PPP6R2: variants seen among roughly 807,000 people sequenced by gnomAD.
PPP6R2 encodes the protein protein phosphatase 6 regulatory subunit 2.
Under a neutral mutation model 100.2 loss-of-function variants are expected in PPP6R2, and 62 were observed. The ratio of observed to expected loss-of-function variants is 0.62; its 90% confidence interval spans 0.50 to 0.76. The LOEUF (loss-of-function observed/expected upper bound fraction) is 0.76. PPP6R2 is among the 30% of genes least tolerant of loss of function. The probability of loss-of-function intolerance (pLI) is 0.00; values close to 1 mark genes in which losing one functional copy is unlikely to be tolerated. For synonymous variants in PPP6R2, 525 were observed against 514.7 expected, an observed-to-expected ratio of 1.02 and a Z score of -0.27; for missense variants, 1,142 against 1,276.3, an observed-to-expected ratio of 0.89 and a Z score of 1.60.
intron 2 of PPP6R2, among the ~76,000 whole-genome samples, chr22:50,377,224 T>A (rs1352366314): frequency 2.6e-5 from 4 of 151,224 alleles, no homozygotes; most frequent in African/African-American, 9.7e-5. Context: ...GAGGTAGAGG[T>A]AGGGAGATCA....
chr22:50,399,791 G>GT (rs2057723111), intron 3 of PPP6R2, among the ~76,000 whole-genome samples: 1 of 152,262 alleles, frequency 6.6e-6, no homozygotes, highest in Non-Finnish European at 1.5e-5. Flanking sequence ...CACTGTGACT[G>GT]TAAGATGGCT....
At chr22:50,413,650 T>A (rs1420070250) in intron 4 of PPP6R2, among the ~76,000 whole-genome samples, 1 of 148,656 alleles carries the variant, frequency 6.7e-6, no homozygotes, top group Non-Finnish European at 1.5e-5. Flanking sequence ...CAAAGAGCCA[T>A]CCTCCTCTCC....
intron 3 of PPP6R2, among the ~76,000 whole-genome samples, chr22:50,398,589 C>T (rs552688793): frequency 1.5e-4 from 22 of 149,042 alleles, no homozygotes; most frequent in Middle Eastern, 6.9e-3. Flanking sequence ...GATCTTGGCT[C>T]ACTGCAACCT....
At chr22:50,413,981 C>A (rs1321917318) in intron 4 of PPP6R2, among the ~76,000 whole-genome samples, 2 of 152,244 alleles carry the variant, frequency 1.3e-5, no homozygotes, top group Non-Finnish European at 2.9e-5. Flanking sequence ...TGTGCCCCCC[C>A]ATGGCCTCAC....
At chr22:50,369,195 G>A (rs1569308975) in intron 1 of PPP6R2, among the ~76,000 whole-genome samples, 2 of 151,038 alleles carry the variant, frequency 1.3e-5, no homozygotes, top group South Asian at 2.1e-4. Context: ...CCGAGATCAC[G>A]CCATTGCACT....
chr22:50,379,221 C>T (rs2052347494), intron 2 of PPP6R2, among the ~76,000 whole-genome samples: 1 of 152,112 alleles, frequency 6.6e-6, no homozygotes. Flanking sequence ...AGGGGCCAGG[C>T]ACAGTGATTC....
chr22:50,371,630 T>C (rs915019660), intron 1 of PPP6R2, among the ~76,000 whole-genome samples: 1 of 149,692 alleles, frequency 6.7e-6, no homozygotes, highest in Non-Finnish European at 1.5e-5. Flanking sequence ...TTGCTTTATT[T>C]TTAAAATTTT....
At chr22:50,432,451 G>A (rs2063334526) in intron 12 of PPP6R2, 122 bp downstream of exon 12, 2 of 940,402 alleles carry the variant, frequency 2.1e-6, no homozygotes, top group African/African-American at 1.6e-5. Flanking sequence ...TGTAGGGTGT[G>A]CGACGTGGCT....
At chr22:50,440,167 T>C (rs1228611243) in intron 21 of PPP6R2, 118 bp downstream of exon 21, 19 of 909,406 alleles carry the variant, frequency 2.1e-5, no homozygotes, top group Non-Finnish European at 2.8e-5. Context: ...TGCTGCTACG[T>C]CTCTGGTGAC....
At position 50,383,977 on chromosome 22, in the gene PPP6R2, G is replaced by A. The variant is rs1025331775; in HGVS notation, c.-16-9916G>A. Among the ~76,000 whole-genome samples the A allele has an allele frequency of 4.0e-5, 6 of 149,894 alleles. No individual in the cohort carries two copies. In the East Asian group the frequency reaches 7.9e-4, roughly 20 times the overall value. ...CTTCAACCCGGGAGATGGTGGTTGC[G>A]GTGAGCCAAGATCACACCACTGCAC... is the stretch of plus-strand genomic sequence containing the variant. On this transcript the variant is annotated intron_variant, in intron 2 of 23. Transcript: ENST00000612753.
At chr22:50,355,525 G>GGCACA (rs2046320549) in intron 1 of PPP6R2, among the ~76,000 whole-genome samples, 1 of 143,500 alleles carries the variant, frequency 7.0e-6, no homozygotes. Context: ...CACTGCGCCC[G>GGCACA]GCCTTTTTTT....
chr22:50,364,686 A>G (rs2048395802), intron 1 of PPP6R2, among the ~76,000 whole-genome samples: 1 of 152,202 alleles, frequency 6.6e-6, no homozygotes, highest in African/African-American at 2.4e-5. Context: ...AGTTTGTCAA[A>G]TAGAGAAAGT....
At chr22:50,371,402 G>A (rs1402291659) in intron 1 of PPP6R2, among the ~76,000 whole-genome samples, 2 of 151,980 alleles carry the variant, frequency 1.3e-5, no homozygotes, top group South Asian at 2.1e-4. Context: ...TGGAAATGGA[G>A]CACATCAGAA....
intron 4 of PPP6R2, among the ~76,000 whole-genome samples, chr22:50,412,793 C>T (rs2059947620): frequency 6.6e-6 from 1 of 151,156 alleles, no homozygotes; most frequent in South Asian, 2.1e-4. Context: ...ACGTGCCCAC[C>T]ACCATGCCCG....
At chr22:50,350,546 G>A (rs1268600808) in intron 1 of PPP6R2, among the ~76,000 whole-genome samples, 1 of 150,494 alleles carries the variant, frequency 6.6e-6, no homozygotes, top group Non-Finnish European at 1.5e-5. Context: ...ATGTATTTCT[G>A]AAATAATAAG....
chr22:50,442,440 G>T (rs1302459273), intron 22 of PPP6R2, among the ~76,000 whole-genome samples: 1 of 152,218 alleles, frequency 6.6e-6, no homozygotes, highest in Admixed American at 6.5e-5. Context: ...GGCCAAGGCC[G>T]TTTCCCGATG....
chr22:50,335,696 G>C, the PPP6R2 span, among the ~76,000 whole-genome samples: 1 of 109,904 alleles, frequency 9.1e-6, no homozygotes, highest in African/African-American at 4.2e-5. Flanking sequence ...TTTTTTTTGA[G>C]ATGGAGTCTC....
chr22:50,333,211 T>A, the PPP6R2 span, among the ~76,000 whole-genome samples: 22 of 152,312 alleles, frequency 1.4e-4, no homozygotes, highest in East Asian at 9.6e-4. Context: ...GGGTTTTTTT[T>A]AATTCTCTAT....
upstream of PPP6R2, among the ~76,000 whole-genome samples, chr22:50,340,590 G>A (rs1476066695): frequency 7.0e-5 from 8 of 114,702 alleles, no homozygotes; most frequent in African/African-American, 2.8e-4. Flanking sequence ...GGTGTGTGGT[G>A]TGTGTGTGTG....
Sources: allele counts gnomAD v4.1 joint callset (sites outside exome capture counted in the v4.1 genomes callset), GRCh38; gene constraint gnomAD v4.1.1; transcripts MANE v1.5; gene names NCBI Gene and HGNC (gene_info 2026-07-23, HGNC 2026-07-21).